The following ROBO2 variants were observed in gnomAD, a reference collection of about 807,000 sequenced individuals.
The protein encoded by ROBO2 is roundabout homolog 2.
In ROBO2, 53 loss-of-function variants were observed where a neutral mutation model predicts 160.8. The observed-to-expected ratio is 0.33, with a 90% CI of 0.26 to 0.41. ROBO2 has a LOEUF of 0.41. ROBO2 is among the 10% of genes least tolerant of loss of function. ROBO2 has a pLI of 1.00. For synonymous variants in ROBO2, 664 were observed against 611.7 expected (o/e 1.09, Z -1.26); for missense variants, 1,577 against 1,722.4 (o/e 0.92, Z 1.49).
chr3:77,171,140 G>A (rs1472157088), intron 2 of ROBO2, among the ~76,000 whole-genome samples: 2 of 152,088 alleles, frequency 1.3e-5, no homozygotes, highest in African/African-American at 4.8e-5. Context: ...TTTTCTCCTC[G>A]TCACTGACAG....
intron 2 of ROBO2, among the ~76,000 whole-genome samples, chr3:76,596,733 A>G (rs1054512916): frequency 5.3e-5 from 8 of 152,084 alleles, no homozygotes; most frequent in African/African-American, 1.9e-4. Flanking sequence ...TAAGTGGTCT[A>G]CTTTCATAAA....
chr3:76,746,064 A>G (rs1393188355), intron 2 of ROBO2, among the ~76,000 whole-genome samples: 2 of 145,164 alleles, frequency 1.4e-5, no homozygotes, highest in East Asian at 4.1e-4. Context: ...AATCCCACCT[A>G]TGAGTGAGAA....
intron 2 of ROBO2, among the ~76,000 whole-genome samples, chr3:75,950,489 G>A (rs1176941173): frequency 2.6e-5 from 4 of 152,200 alleles, no homozygotes; most frequent in African/African-American, 7.2e-5. Context: ...CTAGGCAGGC[G>A]AAGAGTATGT....
intron 2 of ROBO2, among the ~76,000 whole-genome samples, chr3:76,948,908 A>ATATATATTTTTTTTT (rs1209284372): frequency 4.0e-5 from 1 of 24,970 alleles, no homozygotes; most frequent in African/African-American, 1.8e-4. Flanking sequence ...ATATATATAT[A>ATATATATTTTTTTTT]TTTTTTTTTT....
At chr3:76,164,705 TC>T (rs1381734014) in intron 2 of ROBO2, among the ~76,000 whole-genome samples, 2 of 152,162 alleles carry the variant, frequency 1.3e-5, no homozygotes, top group African/African-American at 4.8e-5. Context: ...TATACCATCA[TC>T]CAGGCTTTGT....
intron 2 of ROBO2, among the ~76,000 whole-genome samples, chr3:76,202,714 T>C (rs1197282585): frequency 6.6e-6 from 1 of 152,090 alleles, no homozygotes; most frequent in African/African-American, 2.4e-5. Context: ...GTGTGGGTGT[T>C]TGTGCAGGAA....
chr3:76,696,351 T>G (rs2092926496), intron 2 of ROBO2, among the ~76,000 whole-genome samples: 1 of 150,844 alleles, frequency 6.6e-6, no homozygotes, highest in Non-Finnish European at 1.5e-5. Context: ...GACACTTATT[T>G]TTTAAATAAA....
chr3:76,261,168 ATGTG>A (rs66742168), intron 2 of ROBO2, among the ~76,000 whole-genome samples: 2,741 of 122,824 alleles, frequency 0.022, 43 homozygotes, highest in African/African-American at 0.041. Context: ...AAACTAAATT[ATGTG>A]TGTGTGTGTG....
At chr3:77,568,173 A>G in intron 12 of ROBO2, 140 bp from the exon 14 acceptor site, 2 of 849,182 alleles carry the variant, frequency 2.4e-6, no homozygotes, top group Non-Finnish European at 3.8e-6. Context: ...ATATAGGCTT[A>G]AATGCTTTTT....
rs138169669 is a variant in ROBO2, at chr3:76,286,848, C to T, written c.109+349246C>T. Among the ~76,000 whole-genome samples, 96 of 152,264 alleles carry T rather than the reference C, an allele frequency of 6.3e-4. No homozygotes were observed. In the East Asian group the frequency reaches 0.015, roughly 25 times the overall value. ...TTTAAAATCTCCGACCTATTGGATA[C>T]TTGGCCTTGTGACTTCCTTTAGGTA... On this transcript the variant is annotated intron_variant, in intron 2 of 26. Transcript: ENST00000487694.
At chr3:76,862,588 C>A (rs1553665430) in intron 2 of ROBO2, among the ~76,000 whole-genome samples, 1 of 152,012 alleles carries the variant, frequency 6.6e-6, no homozygotes, top group Non-Finnish European at 1.5e-5. Context: ...GCTGTGTGTT[C>A]AGATTCTCTC....
chr3:76,834,733 C>T (rs2067524083), intron 2 of ROBO2, among the ~76,000 whole-genome samples: 1 of 152,056 alleles, frequency 6.6e-6, no homozygotes, highest in African/African-American at 2.4e-5. Context: ...AACCCCTGGC[C>T]TCAAATGATT....
At chr3:77,040,924 T>C in intron 1 of ROBO2, 78 bp downstream of exon 1, 1 of 1,523,932 alleles carries the variant, frequency 6.6e-7, no homozygotes, top group Non-Finnish European at 9.0e-7. Flanking sequence ...TTGAATTTGA[T>C]GTGGGTTATA....
rs1463154452 is a variant in ROBO2, at chr3:76,811,863, TTC to T, written c.110-286150_110-286149del. Among the ~76,000 whole-genome samples the T allele has an allele frequency of 7.1e-5, 10 of 141,578 alleles. No homozygotes were observed. The South Asian group carries it at 9.2e-4, about 13-fold the overall frequency. The allele number at this position is 141,578 out of a possible 152,430, so 92.9% of individuals were successfully genotyped here. Reference sequence around the variant, plus strand: ...TTTCCTTCCTTCCTTCCTTCCTTCCTTCCTTCCTTCCTTCCTTCCTTTTTTGA... The same window carrying T: ...TTTCCTTCCTTCCTTCCTTCCTTCCTCTTCCTTCCTTCCTTCCTTTTTTGA... On this transcript the variant is annotated intron_variant, in intron 2 of 26. Coordinates refer to the ROBO2 transcript ENST00000487694.
At chr3:76,249,344 G>A (rs2107546244) in intron 2 of ROBO2, among the ~76,000 whole-genome samples, 1 of 152,088 alleles carries the variant, frequency 6.6e-6, no homozygotes, top group Admixed American at 6.6e-5. Flanking sequence ...GCAACTGATT[G>A]GGAAGTTTAT....
intron 2 of ROBO2, among the ~76,000 whole-genome samples, chr3:76,837,284 T>A (rs562524997): frequency 8.6e-5 from 13 of 151,898 alleles, no homozygotes; most frequent in Non-Finnish European, 1.3e-4. Context: ...AAGCTTTACA[T>A]AATGCACATA....
chr3:76,033,412 T>C (rs1334963965), intron 2 of ROBO2, among the ~76,000 whole-genome samples: 1 of 152,170 alleles, frequency 6.6e-6, no homozygotes, highest in Non-Finnish European at 1.5e-5. Context: ...GGACACTGGC[T>C]TCCTGTGTGT....
chr3:77,039,722 G>A (rs1181703242), upstream of ROBO2, among the ~76,000 whole-genome samples: 2 of 151,722 alleles, frequency 1.3e-5, no homozygotes, highest in African/African-American at 4.8e-5. Flanking sequence ...TCAGGGCTCC[G>A]CGCGCCCCTC....
At position 77,473,440 on chromosome 3, in the gene ROBO2, C is replaced by CTTT. The variant is rs71104688; in HGVS notation, c.389-3939_389-3937dup. On this transcript the variant is annotated intron_variant, in intron 2 of 25. Coordinates refer to ENST00000461745, the Ensembl canonical transcript of ROBO2. ...CTGCAGTTCGATTTTACAAACTGCTCTTTTTTTTTTTTTTTTTTTTTTTTT... is the reference window on the plus strand; with the variant it reads ...CTGCAGTTCGATTTTACAAACTGCTCTTTTTTTTTTTTTTTTTTTTTTTTTTTT... Among the ~76,000 whole-genome samples, 29 of 77,934 alleles carry CTTT rather than the reference C, an allele frequency of 3.7e-4. 6 individuals are homozygous for CTTT. The highest frequency in any genetic ancestry group is 8.4e-4 in the Admixed American group (5 of 5,982). The allele number at this position is 77,934 out of a possible 152,430, so 51.1% of individuals were successfully genotyped here.
Sources: allele counts gnomAD v4.1 joint callset (sites outside exome capture counted in the v4.1 genomes callset), GRCh38; gene constraint gnomAD v4.1.1; transcripts MANE v1.5; gene names NCBI Gene and HGNC (gene_info 2026-07-23, HGNC 2026-07-21).